The following MAPK10 variants were observed in gnomAD, a reference collection of about 807,000 sequenced individuals.
MAPK10 encodes JNK3 alpha protein kinase.
In MAPK10, 25 loss-of-function variants were observed where a neutral mutation model predicts 59.3. The observed-to-expected ratio is 0.42, with a 90% CI of 0.31 to 0.59. The LOEUF (loss-of-function observed/expected upper bound fraction) is 0.59, where lower values mean the gene tolerates loss of function less well. Ranked by LOEUF, MAPK10 falls within the 20% of genes least tolerant of loss-of-function variation. MAPK10 has a pLI of 0.15. For missense variants in MAPK10, 351 were observed against 568.9 expected (o/e 0.62, Z 3.90); for synonymous variants, 190 against 200.5 (o/e 0.95, Z 0.44).
rs117425275 is a variant in MAPK10, at chr4:86,452,083, C to A, written c.-122+947G>T. ...CCAAGATCCTATAGCTGATAAGTGT[C>A]AGAGTCAGGATTTGAAACCAGACTA... is the stretch of plus-strand genomic sequence containing the variant. On this transcript the variant is annotated intron_variant, in intron 1 of 13. Transcript: ENST00000361569. 8.8e-4 allele frequency among the ~76,000 whole-genome samples: 134 copies of A among 152,276 alleles called. 2 individuals carry two copies. In the East Asian group the frequency reaches 0.023, roughly 26 times the overall value.
intron 9 of MAPK10, among the ~76,000 whole-genome samples, chr4:86,083,771 C>T (rs1468979667): frequency 6.6e-6 from 1 of 152,132 alleles, no homozygotes; most frequent in Non-Finnish European, 1.5e-5. Context: ...TGGTGCATAG[C>T]TCATGGCTCC....
In MAPK10 at chr4:86,210,139, A is replaced by T. The variant is rs139191339; in HGVS notation, c.-6-15732T>A. Reference sequence around the variant, plus strand: ...CAAAATTCAAATCAAAATAGATTACAGTCTTAAATGTAAGACCTCAAACTA... The same window carrying T: ...CAAAATTCAAATCAAAATAGATTACTGTCTTAAATGTAAGACCTCAAACTA... On this transcript the variant is annotated intron_variant, in intron 2 of 13. Transcript: ENST00000641462. Among the ~76,000 whole-genome samples, 1,151 of 152,238 alleles carry T rather than the reference A, an allele frequency of 7.6e-3. 14 individuals carry two copies. The highest frequency in any genetic ancestry group is 0.026 in the African/African-American group (1,095 of 41,550).
intron 1 of MAPK10, among the ~76,000 whole-genome samples, chr4:86,567,305 C>T (rs1017413250): frequency 1.3e-5 from 2 of 151,864 alleles, no homozygotes; most frequent in African/African-American, 4.8e-5. Context: ...ACTGCAACCT[C>T]TGCCTCCCAG....
At position 86,107,277 on chromosome 4, in the gene MAPK10, A is replaced by G. The variant is rs1238559018; in HGVS notation, c.312T>C (p.His104=). The change falls in exon 5 of 14, where the codon CAT becomes CAC. Residue 104 remains histidine (H), a synonymous_variant. Transcript: ENST00000641462. ...CCAGCTCCCGGTACGCTCTCTTGGCATGTGTTTGGTTCTGAAAGGGTCTGC... is the reference window on the plus strand; with the variant it reads ...CCAGCTCCCGGTACGCTCTCTTGGCGTGTGTTTGGTTCTGAAAGGGTCTGC... The part of the protein sequence containing the change: ...KLSRPFQNQT[H]AKRAYRELVL... 2.5e-6 allele frequency: 4 copies of G among 1,613,340 alleles called. No homozygotes were observed. In the South Asian group the frequency reaches 4.4e-5, roughly 18 times the overall value.
chr4:86,190,351 T>C (rs535291528), intron 3 of MAPK10, among the ~76,000 whole-genome samples: 1 of 152,174 alleles, frequency 6.6e-6, no homozygotes, highest in Non-Finnish European at 1.5e-5. Flanking sequence ...TCCAGTAGAA[T>C]TCAGCTGTGA....
Position 86,344,997 on chromosome 4 carries a change from C to A in MAPK10, c.-7+9533G>T, listed in dbSNP as rs373388351. 1.3e-5 allele frequency among the ~76,000 whole-genome samples: 2 copies of A among 152,138 alleles called. 1 individual carries two copies. Among genetic ancestry groups the A allele is most frequent in the East Asian group, 3.9e-4 (2 of 5,194 alleles). On this transcript the variant is annotated intron_variant, in intron 2 of 13. Coordinates refer to ENST00000641462, the MANE Select transcript of MAPK10 (RefSeq NM_138982.4). ...GATATAGTCAGTTTGGCTGGCTATG[C>A]ATAAACTATCTTCCTTATGTTTAGC...
intron 4 of MAPK10, among the ~76,000 whole-genome samples, chr4:86,123,092 A>C (rs1365098219): frequency 6.6e-6 from 1 of 152,060 alleles, no homozygotes; most frequent in African/African-American, 2.4e-5. Flanking sequence ...ACTTTTTCAT[A>C]ATACACACTT....
intron 4 of MAPK10, among the ~76,000 whole-genome samples, chr4:86,155,061 A>G (rs1288432688): frequency 1.3e-5 from 2 of 152,072 alleles, no homozygotes; most frequent in East Asian, 3.8e-4. Flanking sequence ...TTATTAGTTC[A>G]AGGGTGATTA....
intron 2 of MAPK10, among the ~76,000 whole-genome samples, chr4:86,229,510 T>C (rs1160636001): frequency 6.6e-6 from 1 of 152,176 alleles, no homozygotes; most frequent in African/African-American, 2.4e-5. Flanking sequence ...CTCTTTCTTC[T>C]AGTACCTGTC....
intron 4 of MAPK10, among the ~76,000 whole-genome samples, chr4:86,137,373 A>C (rs1393462083): frequency 6.9e-6 from 1 of 145,140 alleles, no homozygotes; most frequent in African/African-American, 2.7e-5. Flanking sequence ...ACTCAGGATT[A>C]AGAATCTCAC....
intron 1 of MAPK10, among the ~76,000 whole-genome samples, chr4:86,495,971 T>G (rs923408747): frequency 6.6e-6 from 1 of 152,226 alleles, no homozygotes; most frequent in Non-Finnish European, 1.5e-5. Flanking sequence ...TTAACACATT[T>G]TTTCTATAAT....
rs1554274998 is a variant in MAPK10, at chr4:86,507,655, T to TATATATAC, written c.-263+86254_-263+86255insGTATATAT. The stretch of plus-strand genomic sequence containing the variant: ...ATATATATATATATATATATATATA[T>TATATATAC]ATATATATATATATATAAAATCATG... On this transcript the variant is annotated intron_variant, in intron 1 of 4. Coordinates refer to the MAPK10 transcript ENST00000502302. 3.8e-3 allele frequency among the ~76,000 whole-genome samples: 274 copies of TATATATAC among 71,260 alleles called. 14 individuals are homozygous for TATATATAC. Among genetic ancestry groups the TATATATAC allele is most frequent in the Non-Finnish European group, 5.2e-3 (181 of 34,646 alleles). 46.7% of individuals were successfully genotyped at this position (71,260 alleles called of 152,430 possible). A position where few individuals can be genotyped will look rare whatever the true frequency, so the allele number is the denominator to read the frequency against.
Position 86,342,236 on chromosome 4 carries a change from ATTCAAATACTGTTAAAATGACTTCTC to A in MAPK10, c.-7+12268_-7+12293del, listed in dbSNP as rs576242284. On this transcript the variant is annotated intron_variant, in intron 2 of 13. Transcript: ENST00000641462. The stretch of plus-strand genomic sequence containing the variant: ...GATAAAAATAATGAGATACAATGAA[ATTCAAATACTGTTAAAATGACTTCTC>A]TACTAAGCAGGAAAATAGTTTACAA... 5.9e-5 allele frequency among the ~76,000 whole-genome samples: 9 copies of A among 152,338 alleles called. No homozygotes were observed. The East Asian group carries it at 1.5e-3, about 26-fold the overall frequency.
intron 4 of MAPK10, among the ~76,000 whole-genome samples, chr4:86,142,980 C>T (rs1363664278): frequency 2.0e-5 from 3 of 152,150 alleles, no homozygotes; most frequent in Non-Finnish European, 2.9e-5. Flanking sequence ...TCTCATGCTG[C>T]TATGAGGAAA....
chr4:86,350,790 G>C (rs1233916079), intron 2 of MAPK10, among the ~76,000 whole-genome samples: 1 of 152,148 alleles, frequency 6.6e-6, no homozygotes, highest in African/African-American at 2.4e-5. Context: ...TAGAATAATG[G>C]ACAAGAAGAT....
chr4:86,520,476 C>T (rs1564981292), intron 1 of MAPK10, among the ~76,000 whole-genome samples: 1 of 151,338 alleles, frequency 6.6e-6, no homozygotes, highest in Admixed American at 6.6e-5. Flanking sequence ...ATTGTCTGTT[C>T]TTTATGATAT....
At chr4:86,292,850 G>A (rs553875865) in intron 2 of MAPK10, among the ~76,000 whole-genome samples, 4 of 152,306 alleles carry the variant, frequency 2.6e-5, no homozygotes, top group South Asian at 2.1e-4. Flanking sequence ...CAGAGAAAGC[G>A]GTGGTGGTCT....
At chr4:86,167,782 GC>G (rs2072342392) in intron 3 of MAPK10, among the ~76,000 whole-genome samples, 3 of 152,088 alleles carry the variant, frequency 2.0e-5, no homozygotes, top group African/African-American at 7.2e-5. Flanking sequence ...AACTGAATGG[GC>G]AAAAGCTGGA....
chr4:86,075,995 T>TGTTG (rs2049293578), intron 9 of MAPK10, among the ~76,000 whole-genome samples: 1 of 142,630 alleles, frequency 7.0e-6, no homozygotes. Context: ...CCCCCAGCCC[T>TGTTG]CCTGGGGCCT....
Sources: allele counts gnomAD v4.1 joint callset (sites outside exome capture counted in the v4.1 genomes callset), GRCh38; gene constraint gnomAD v4.1.1; transcripts MANE v1.5; gene names NCBI Gene and HGNC (gene_info 2026-07-23, HGNC 2026-07-21).